The following FBXL7 variants were observed in gnomAD, a reference collection of about 807,000 sequenced individuals.
The protein encoded by FBXL7 is F-box and leucine rich repeat protein 7, also known as F-box/LRR-repeat protein 7.
In FBXL7, 12 loss-of-function variants were observed where a neutral mutation model predicts 38.3. The ratio of observed to expected loss-of-function variants is 0.31; its 90% CI spans 0.20 to 0.51. The LOEUF is 0.51. Among genes scored for constraint, FBXL7 ranks in the 20% least tolerant of loss-of-function variants. The pLI is 0.98. For synonymous variants in FBXL7, 297 were observed against 300.9 expected (o/e 0.99, Z 0.13); for missense variants, 567 against 676.4 (o/e 0.84, Z 1.79).
intron 2 of FBXL7, among the ~76,000 whole-genome samples, chr5:15,864,677 A>G (rs986735693): frequency 5.3e-5 from 8 of 152,212 alleles, no homozygotes; most frequent in African/African-American, 1.4e-4. Context: ...AACAAGTAGA[A>G]TAAAGTTACT....
chr5:15,665,254 G>A (rs1159800088), intron 2 of FBXL7, among the ~76,000 whole-genome samples: 4 of 152,128 alleles, frequency 2.6e-5, no homozygotes, highest in Admixed American at 6.5e-5. Context: ...CCCTGGGGGA[G>A]GCCAGTGAAA....
intron 2 of FBXL7, among the ~76,000 whole-genome samples, chr5:15,707,525 CAG>C (rs1743728955): frequency 6.6e-6 from 1 of 152,124 alleles, no homozygotes; most frequent in African/African-American, 2.4e-5. Flanking sequence ...GCATCTGAGA[CAG>C]AGAGAGATGA....
intron 2 of FBXL7, among the ~76,000 whole-genome samples, chr5:15,759,479 CA>C (rs1736385731): frequency 6.6e-6 from 1 of 152,002 alleles, no homozygotes; most frequent in African/African-American, 2.4e-5. Flanking sequence ...ATGATGTTGA[CA>C]AAGCTTTTAA....
intron 1 of FBXL7, among the ~76,000 whole-genome samples, chr5:15,566,888 T>C (rs948860948): frequency 1.3e-5 from 2 of 152,198 alleles, no homozygotes; most frequent in African/African-American, 4.8e-5. Flanking sequence ...TTTGTACCTG[T>C]AGAAAGATTG....
At chr5:15,654,704 T>G (rs949056444) in intron 2 of FBXL7, among the ~76,000 whole-genome samples, 1 of 152,198 alleles carries the variant, frequency 6.6e-6, no homozygotes, top group East Asian at 1.9e-4. Flanking sequence ...TGGCCTCCTG[T>G]AGCACTGAAC....
intron 2 of FBXL7, among the ~76,000 whole-genome samples, chr5:15,795,429 G>A (rs1316689942): frequency 6.6e-6 from 1 of 152,178 alleles, no homozygotes; most frequent in Non-Finnish European, 1.5e-5. Flanking sequence ...GTCAATTCTG[G>A]AAGCCTAATG....
At chr5:15,932,784 A>G (rs1225552044) in intron 3 of FBXL7, among the ~76,000 whole-genome samples, 2 of 152,032 alleles carry the variant, frequency 1.3e-5, no homozygotes, top group Non-Finnish European at 1.5e-5. Context: ...TCTCTCTTTC[A>G]AGGGCCCCTT....
chr5:15,598,866 G>A (rs561443139), intron 1 of FBXL7, among the ~76,000 whole-genome samples: 1 of 152,238 alleles, frequency 6.6e-6, no homozygotes, highest in South Asian at 2.1e-4. Context: ...GAATAGAGGT[G>A]ACATCAGTCT....
chr5:15,722,208 CTT>C (rs1479282091), intron 2 of FBXL7, among the ~76,000 whole-genome samples: 1 of 152,128 alleles, frequency 6.6e-6, no homozygotes, highest in Non-Finnish European at 1.5e-5. Flanking sequence ...ATACTGTAAA[CTT>C]ATTGATACCA....
intron 2 of FBXL7, among the ~76,000 whole-genome samples, chr5:15,877,755 T>A (rs1322410316): frequency 1.3e-5 from 2 of 152,318 alleles, no homozygotes; most frequent in East Asian, 1.9e-4. Flanking sequence ...AAATAACTCA[T>A]AATGCTTTCT....
intron 2 of FBXL7, among the ~76,000 whole-genome samples, chr5:15,684,885 C>T (rs1422792676): frequency 6.6e-6 from 1 of 152,160 alleles, no homozygotes; most frequent in Non-Finnish European, 1.5e-5. Context: ...GACACTTCTG[C>T]CCTCAGAAAT....
At chr5:15,830,896 A>G (rs1004526639) in intron 2 of FBXL7, among the ~76,000 whole-genome samples, 2 of 152,026 alleles carry the variant, frequency 1.3e-5, no homozygotes, top group South Asian at 4.1e-4. Context: ...TGCCCACCCG[A>G]GGGCAGATTC....
intron 2 of FBXL7, among the ~76,000 whole-genome samples, chr5:15,838,182 C>T (rs1738640964): frequency 6.6e-6 from 1 of 152,066 alleles, no homozygotes; most frequent in Non-Finnish European, 1.5e-5. Context: ...CTGTTTTAGT[C>T]CATTCAGGCT....
intron 2 of FBXL7, among the ~76,000 whole-genome samples, chr5:15,666,186 T>C (rs531913177): frequency 6.6e-6 from 1 of 152,298 alleles, no homozygotes; most frequent in South Asian, 2.1e-4. Context: ...AATCTTGTTT[T>C]TATTATTATT....
At chr5:15,632,141 C>G (rs576564383) in intron 2 of FBXL7, among the ~76,000 whole-genome samples, 1 of 152,214 alleles carries the variant, frequency 6.6e-6, no homozygotes, top group African/African-American at 2.4e-5. Flanking sequence ...CTTTTCAGAG[C>G]TTTTCAGATT....
chr5:15,519,082 G>GT (rs1737025659), intron 1 of FBXL7, among the ~76,000 whole-genome samples: 1 of 152,116 alleles, frequency 6.6e-6, no homozygotes. Context: ...GGTGGCTCAT[G>GT]CTGGTAATCC....
intron 2 of FBXL7, among the ~76,000 whole-genome samples, chr5:15,644,990 A>G (rs1040955004): frequency 4.6e-5 from 7 of 152,102 alleles, no homozygotes; most frequent in Non-Finnish European, 1.0e-4. Context: ...TTGTATGTTG[A>G]CTGACCCTGA....
At chr5:15,888,330 C>T (rs768740029) in intron 2 of FBXL7, among the ~76,000 whole-genome samples, 3 of 151,908 alleles carry the variant, frequency 2.0e-5, no homozygotes, top group East Asian at 1.9e-4. Context: ...TGGGTTCAAA[C>T]GATTCTCCCG....
rs551139415 is a variant in FBXL7 at position 15,556,715 on chromosome 5, A to G, written c.37+56002A>G. ...AGACTCCTCTTCATCTTCTATTTGC[A>G]TGACTGTGCCAATCTCTCAATAAAT... On this transcript the variant is annotated intron_variant, in intron 1 of 3. Coordinates refer to ENST00000504595, the MANE Select transcript of FBXL7 (RefSeq NM_012304.5). Among the ~76,000 whole-genome samples, 190 of 152,282 alleles carry G rather than the reference A, an allele frequency of 1.2e-3. 1 individual carries two copies. Among genetic ancestry groups the G allele is most frequent in the Non-Finnish European group, 1.8e-3 (120 of 68,034 alleles).
Sources: allele counts gnomAD v4.1 joint callset (sites outside exome capture counted in the v4.1 genomes callset), GRCh38; gene constraint gnomAD v4.1.1; transcripts MANE v1.5; gene names NCBI Gene and HGNC (gene_info 2026-07-23, HGNC 2026-07-21).